CABCOCO1: variants seen among roughly 807,000 people sequenced by gnomAD.
CABCOCO1 encodes ciliary-associated calcium-binding coiled-coil protein 1.
A neutral mutation model predicts 35.7 loss-of-function variants in CABCOCO1; 28 were observed. That is an observed-to-expected ratio of 0.78 (90% confidence interval 0.58 to 1.07). CABCOCO1 has a LOEUF of 1.07. CABCOCO1 is among the 50% of genes least tolerant of loss of function. The pLI is 0.00. For missense variants in CABCOCO1, 326 were observed against 309.2 expected (o/e 1.05, Z -0.41); for synonymous variants, 95 against 100.1 (o/e 0.95, Z 0.30).
At chr10:61,732,169 T>A (rs75423426) in intron 5 of CABCOCO1, among the ~76,000 whole-genome samples, 1 of 151,968 alleles carries the variant, frequency 6.6e-6, no homozygotes, top group Non-Finnish European at 1.5e-5. Flanking sequence ...TTTATTGGCA[T>A]AAAGATCTGT....
At chr10:61,732,345 A>G (rs1841322953) in intron 5 of CABCOCO1, among the ~76,000 whole-genome samples, 1 of 152,088 alleles carries the variant, frequency 6.6e-6, no homozygotes, top group African/African-American at 2.4e-5. Flanking sequence ...TTTCATTTCT[A>G]GGAAAATATG....
At chr10:61,666,643 T>C (rs1378428965) in intron 1 of CABCOCO1, among the ~76,000 whole-genome samples, 8 of 152,116 alleles carry the variant, frequency 5.3e-5, no homozygotes, top group African/African-American at 1.4e-4. Flanking sequence ...TCAAAATTTT[T>C]CTAATATTTA....
At chr10:61,673,732 G>A (rs60457246) in intron 2 of CABCOCO1, among the ~76,000 whole-genome samples, 17,874 of 152,196 alleles carry the variant, frequency 0.12, 1,131 homozygotes, top group Middle Eastern at 0.17. Context: ...AACCTCTGCT[G>A]GAAATTGATT....
At chr10:61,702,581 T>C (rs1035930706) in intron 5 of CABCOCO1, among the ~76,000 whole-genome samples, 1 of 152,136 alleles carries the variant, frequency 6.6e-6, no homozygotes, top group Non-Finnish European at 1.5e-5. Flanking sequence ...CAACCAAGAC[T>C]CTAGGGTTAT....
chr10:61,681,827 C>A (rs1226354221), intron 3 of CABCOCO1, among the ~76,000 whole-genome samples: 1 of 151,970 alleles, frequency 6.6e-6, no homozygotes, highest in Non-Finnish European at 1.5e-5. Flanking sequence ...TCCATATTTT[C>A]ATTTGTGTAT....
chr10:61,672,915 C>T (rs969237931), intron 2 of CABCOCO1, among the ~76,000 whole-genome samples, 180 bp downstream of exon 2: 6 of 152,200 alleles, frequency 3.9e-5, no homozygotes, highest in African/African-American at 1.4e-4. Context: ...CACTACTCAA[C>T]AGTCTCCTTT....
intron 5 of CABCOCO1, among the ~76,000 whole-genome samples, chr10:61,691,917 A>C (rs569825009): frequency 2.6e-5 from 4 of 152,166 alleles, no homozygotes; most frequent in African/African-American, 7.2e-5. Context: ...GGTTGGTTTC[A>C]AGTCTTTGCT....
chr10:61,714,666 T>G (rs1478751697), intron 5 of CABCOCO1, among the ~76,000 whole-genome samples: 2 of 152,200 alleles, frequency 1.3e-5, no homozygotes, highest in Non-Finnish European at 2.9e-5. Flanking sequence ...TAAATTTCCC[T>G]CTATATACTG....
chr10:61,764,502 G>A (rs1842069050), intron 7 of CABCOCO1, among the ~76,000 whole-genome samples: 1 of 152,032 alleles, frequency 6.6e-6, no homozygotes, highest in African/African-American at 2.4e-5. Context: ...TTTAAGGTAA[G>A]AGCTAAAATC....
At chr10:61,665,341 A>G (rs1839132530) in intron 1 of CABCOCO1, among the ~76,000 whole-genome samples, 1 of 152,212 alleles carries the variant, frequency 6.6e-6, no homozygotes, top group Admixed American at 6.5e-5. Flanking sequence ...CTGCTTGCCA[A>G]CCTTCTGAAT....
intron 5 of CABCOCO1, among the ~76,000 whole-genome samples, chr10:61,729,496 A>G (rs550852529): frequency 1.3e-5 from 2 of 152,296 alleles, no homozygotes; most frequent in East Asian, 3.9e-4. Flanking sequence ...AGAAATTGGT[A>G]CCCTTGTACA....
intron 5 of CABCOCO1, among the ~76,000 whole-genome samples, chr10:61,726,111 T>A (rs955469518): frequency 6.6e-6 from 1 of 152,198 alleles, no homozygotes; most frequent in African/African-American, 2.4e-5. Flanking sequence ...TAGGCAGGCA[T>A]ACCCCTTGAC....
At chr10:61,682,658 C>A (rs1186841772) in intron 3 of CABCOCO1, among the ~76,000 whole-genome samples, 1 of 152,172 alleles carries the variant, frequency 6.6e-6, no homozygotes, top group Non-Finnish European at 1.5e-5. Context: ...TTATGCCAGT[C>A]ATAGTGCTAT....
At position 61,707,814 on chromosome 10, in the gene CABCOCO1, C is replaced by T. The variant is rs974841574; in HGVS notation, c.552+17193C>T. On this transcript the variant is annotated intron_variant, in intron 5 of 7. Transcript: ENST00000648843. The stretch of plus-strand genomic sequence containing the variant: ...ATGAATGTACTCTGCATAATTGACA[C>T]AAAAAAGTGTGGAGAATTATTTCAA... Among the ~76,000 whole-genome samples the T allele has an allele frequency of 2.6e-5, 4 of 151,990 alleles. No individual in the cohort carries two copies. The South Asian group carries it at 6.2e-4, about 24-fold the overall frequency.
intron 5 of CABCOCO1, among the ~76,000 whole-genome samples, chr10:61,691,390 G>C (rs1001448585): frequency 2.2e-4 from 33 of 152,228 alleles, no homozygotes; most frequent in Middle Eastern, 3.4e-3. Context: ...ACAATGAAAG[G>C]TCTATCTGGA....
chr10:61,684,635 T>C (rs1564534463), intron 3 of CABCOCO1, among the ~76,000 whole-genome samples: 1 of 152,152 alleles, frequency 6.6e-6, no homozygotes, highest in East Asian at 1.9e-4. Context: ...AGATCCCACA[T>C]TCAGGCCCCC....
intron 5 of CABCOCO1, among the ~76,000 whole-genome samples, chr10:61,749,179 A>G (rs1273205937): frequency 6.6e-6 from 1 of 152,186 alleles, no homozygotes; most frequent in Non-Finnish European, 1.5e-5. Flanking sequence ...TTTTGCAAGT[A>G]AGTGTTAATT....
intron 5 of CABCOCO1, among the ~76,000 whole-genome samples, chr10:61,753,081 C>T (rs930135561): frequency 6.6e-5 from 10 of 152,030 alleles, no homozygotes; most frequent in African/African-American, 2.4e-5. Context: ...TGCAAATTAT[C>T]GGTACTTATT....
intron 5 of CABCOCO1, among the ~76,000 whole-genome samples, chr10:61,700,858 T>G (rs1235552195): frequency 6.6e-6 from 1 of 152,078 alleles, no homozygotes; most frequent in Non-Finnish European, 1.5e-5. Context: ...GTTAATTATT[T>G]GATAACAAGC....
Sources: gnomAD v4.1 joint callset for allele counts (sites outside exome capture counted in the v4.1 genomes callset) on GRCh38, gnomAD v4.1.1 for gene constraint, MANE v1.5 for transcripts, NCBI Gene and HGNC (gene_info 2026-07-23, HGNC 2026-07-21) for gene names.